The following TNS1 variants were observed in gnomAD, a reference collection of about 807,000 sequenced individuals.
TNS1 encodes tensin 1.
TNS1 carries 62 observed loss-of-function variants against 168.6 expected under a neutral mutation model. The observed-to-expected ratio is 0.37, with a 90% confidence interval of 0.30 to 0.45. The LOEUF is 0.45. Among genes scored for constraint, TNS1 ranks in the 20% least tolerant of loss-of-function variants. The pLI, the probability that TNS1 is intolerant of heterozygous loss-of-function variation, is 1.00. For synonymous variants in TNS1, 934 were observed against 933.2 expected, an observed-to-expected ratio of 1.00 and a Z score of -0.02; for missense variants, 2,240 against 2,339.4, an observed-to-expected ratio of 0.96 and a Z score of 0.88.
intron 1 of TNS1, among the ~76,000 whole-genome samples, chr2:217,992,923 C>CG (rs1291533847): frequency 6.6e-6 from 1 of 152,156 alleles, no homozygotes; most frequent in African/African-American, 2.4e-5. Context: ...TCTTTGCTGA[C>CG]GATCAGAAAT....
At chr2:217,940,557 G>A (rs765878843) in intron 3 of TNS1, among the ~76,000 whole-genome samples, 7 of 151,844 alleles carry the variant, frequency 4.6e-5, no homozygotes, top group East Asian at 3.9e-4. Context: ...AAAGAGTGTC[G>A]TCATTTAGCA....
At chr2:217,933,060 TTCCAATTA>T (rs1273946631) in intron 3 of TNS1, among the ~76,000 whole-genome samples, 1 of 152,100 alleles carries the variant, frequency 6.6e-6, no homozygotes, top group Non-Finnish European at 1.5e-5. Context: ...CCCCTCTCAT[TTCCAATTA>T]TCAGGCAGCA....
chr2:217,970,253 T>C (rs1957745380), intron 3 of TNS1, among the ~76,000 whole-genome samples: 1 of 152,266 alleles, frequency 6.6e-6, no homozygotes, highest in African/African-American at 2.4e-5. Flanking sequence ...AATACATTTC[T>C]GTTGTTTTAA....
Position 217,904,103 on chromosome 2 carries a change from G to A in TNS1, c.321+2232C>T, listed in dbSNP as rs116734813. 8.5e-3 allele frequency among the ~76,000 whole-genome samples: 1,288 copies of A among 152,238 alleles called. 15 individuals are homozygous for A. Among genetic ancestry groups the A allele is most frequent in the African/African-American group, 0.028 (1,162 of 41,532 alleles). ...GGTGACCAACCTACGTCAGGGGCCC[G>A]GCCCCATTCCTACATCTCCTCTGGG... On this transcript the variant is annotated intron_variant, in intron 6 of 32. Coordinates refer to ENST00000682258, the MANE Select transcript of TNS1 (RefSeq NM_001387777.1).
At chr2:217,807,588 G>A (rs1449280360) in intron 32 of TNS1, among the ~76,000 whole-genome samples, 2 of 152,222 alleles carry the variant, frequency 1.3e-5, no homozygotes, top group Non-Finnish European at 2.9e-5. Flanking sequence ...GGACATGTCT[G>A]CTGGATGGAG....
rs1258395510 is a variant in TNS1 at position 217,958,145 on chromosome 2, AC to A, written c.186+20619del. On this transcript the variant is annotated intron_variant, in intron 3 of 32. Coordinates refer to ENST00000682258, the MANE Select transcript of TNS1 (RefSeq NM_001387777.1). ...TTATGTATTTCAAGAAAAATTAAAAACATATCGTAGACCAAGACCATACCTT... is the reference window on the plus strand; with the variant it reads ...TTATGTATTTCAAGAAAAATTAAAAAATATCGTAGACCAAGACCATACCTT... 1.3e-4 allele frequency among the ~76,000 whole-genome samples: 20 copies of A among 152,336 alleles called. No individual in the cohort carries two copies. The East Asian group carries it at 3.7e-3, about 28-fold the overall frequency.
Position 217,880,852 on chromosome 2 carries a change from G to A in TNS1, c.1429+46C>T. ...GAGAAGCAAGGTCATGTGAGCAGAGGCTGTGCAGTTTGGATAGGGGCTGGG... is the reference window on the plus strand; with the variant it reads ...GAGAAGCAAGGTCATGTGAGCAGAGACTGTGCAGTTTGGATAGGGGCTGGG... On this transcript the variant is annotated intron_variant, in intron 18 of 32. Coordinates refer to ENST00000682258, the MANE Select transcript of TNS1 (RefSeq NM_001387777.1). This position sits in a 1 kb window ranked among gnomAD's most constrained non-coding sequence, Gnocchi z 4.2. The A allele has an allele frequency of 1.4e-6, 2 of 1,396,260 alleles. No homozygotes were observed. Among genetic ancestry groups the A allele is most frequent in the Non-Finnish European group, 2.0e-6 (2 of 981,636 alleles). The allele number at this position is 1,396,260 out of a possible 1,614,324, so 86.5% of individuals were successfully genotyped here. A position where few individuals can be genotyped will look rare whatever the true frequency, so the allele number is the denominator to read the frequency against.
In TNS1 at chr2:217,986,290, TG is replaced by T. The variant is rs1442715871; in HGVS notation, c.148+4651del. On this transcript the variant is annotated intron_variant, in intron 2 of 32. Transcript: ENST00000682258. The surrounding 1 kb of genome is among the most constrained non-coding windows in gnomAD (Gnocchi z 4.7). ...ACAAGGTTTCCCCAAATCCAGTGGG[TG>T]CCGGCTTCTGCACAGGCTTGTCCTG... 3.3e-5 allele frequency among the ~76,000 whole-genome samples: 5 copies of T among 152,196 alleles called. No homozygotes were observed. Among genetic ancestry groups the T allele is most frequent in the Admixed American group, 1.3e-4 (2 of 15,284 alleles).
intron 1 of TNS1, among the ~76,000 whole-genome samples, chr2:218,015,463 T>C (rs1021372542): frequency 5.9e-5 from 9 of 152,300 alleles, no homozygotes; most frequent in African/African-American, 2.2e-4. Flanking sequence ...CCCAGGTCTC[T>C]GATCTCTGAC....
intron 3 of TNS1, among the ~76,000 whole-genome samples, chr2:217,975,854 G>A (rs1210732350): frequency 1.3e-5 from 2 of 152,084 alleles, no homozygotes; most frequent in African/African-American, 4.8e-5. Flanking sequence ...CTCTCGAGTG[G>A]GCAACATCAG....
intron 3 of TNS1, among the ~76,000 whole-genome samples, chr2:217,969,468 T>A (rs1463111412): frequency 6.6e-6 from 1 of 151,958 alleles, no homozygotes; most frequent in Admixed American, 6.5e-5. Flanking sequence ...TAAACTAGAC[T>A]TCAACTAAAT....
chr2:217,894,488 C>G (rs1373524089), intron 9 of TNS1, among the ~76,000 whole-genome samples: 1 of 152,186 alleles, frequency 6.6e-6, no homozygotes, highest in African/African-American at 2.4e-5. Context: ...GAAACCCCAT[C>G]TCTACTAAAA....
chr2:218,003,106 G>A (rs894791016), upstream of TNS1: 9 of 361,828 alleles, frequency 2.5e-5, no homozygotes, highest in African/African-American at 1.1e-4. Flanking sequence ...AGGCTCCACC[G>A]GTGGCCTTGA....
chr2:217,859,241 G>A (rs967394709), intron 18 of TNS1: 1 of 202,458 alleles, frequency 4.9e-6, no homozygotes, highest in Non-Finnish European at 9.9e-6. Flanking sequence ...TGAGGGTATT[G>A]AGATTTATTT....
intron 18 of TNS1, among the ~76,000 whole-genome samples, chr2:217,854,311 C>G (rs1445257480): frequency 6.6e-6 from 1 of 152,208 alleles, no homozygotes; most frequent in Non-Finnish European, 1.5e-5. Flanking sequence ...GCCATATTGA[C>G]TGCAAGAAAG....
chr2:217,828,608 C>T (rs1025107885), intron 22 of TNS1, among the ~76,000 whole-genome samples: 4 of 152,202 alleles, frequency 2.6e-5, no homozygotes, highest in Admixed American at 2.6e-4. Context: ...TGGTTTGAGT[C>T]CTCACTCGAG....
chr2:217,907,950 G>T (rs1373372194), intron 4 of TNS1, among the ~76,000 whole-genome samples: 1 of 152,100 alleles, frequency 6.6e-6, no homozygotes, highest in Non-Finnish European at 1.5e-5. Context: ...AGCCCTCCCT[G>T]GCCACCCCAG....
At chr2:217,893,139 T>A in intron 10 of TNS1, 127 bp from the exon 11 acceptor site, 1 of 1,230,472 alleles carries the variant, frequency 8.1e-7, no homozygotes, top group Non-Finnish European at 1.1e-6. Context: ...AGGGAGAACA[T>A]AAGGAGGAAG....
intron 3 of TNS1, among the ~76,000 whole-genome samples, chr2:217,954,648 C>A (rs1957316770): frequency 6.6e-6 from 1 of 152,158 alleles, no homozygotes; most frequent in Non-Finnish European, 1.5e-5. Context: ...TTAGAGAGTC[C>A]AGTGCCAACT....
Sources: gnomAD v4.1 joint callset for allele counts (sites outside exome capture counted in the v4.1 genomes callset) on GRCh38, gnomAD v4.1.1 for gene constraint, Gnocchi (gnomAD v3.1) non-coding constraint, MANE v1.5 for transcripts, NCBI Gene and HGNC (gene_info 2026-07-23, HGNC 2026-07-21) for gene names.